GMDS: variants seen among roughly 807,000 people sequenced by gnomAD.
GMDS encodes GDP-mannose 4,6 dehydratase.
Under a neutral mutation model 49.9 loss-of-function variants are expected in GMDS, and 20 were observed. The ratio of observed to expected loss-of-function variants is 0.40; its 90% CI spans 0.28 to 0.58. The LOEUF is 0.58. Among genes scored for constraint, GMDS ranks in the 20% least tolerant of loss-of-function variants. The pLI is 0.42. For synonymous variants in GMDS, 177 were observed against 178.6 expected, an observed-to-expected ratio of 0.99 and a Z score of 0.07; for missense variants, 362 against 481.4, an observed-to-expected ratio of 0.75 and a Z score of 2.32.
At chr6:2,215,598 G>A (rs1427849051) in intron 1 of GMDS, among the ~76,000 whole-genome samples, 1 of 151,890 alleles carries the variant, frequency 6.6e-6, no homozygotes, top group Non-Finnish European at 1.5e-5. Flanking sequence ...AACCATATCA[G>A]TGGGGGAAGG....
At chr6:1,829,275 A>G (rs956040785) in intron 7 of GMDS, among the ~76,000 whole-genome samples, 1 of 152,244 alleles carries the variant, frequency 6.6e-6, no homozygotes, top group African/African-American at 2.4e-5. Flanking sequence ...ATGAATATAT[A>G]TGGATATAGG....
intron 9 of GMDS, among the ~76,000 whole-genome samples, chr6:1,642,494 A>G (rs896010648): frequency 6.6e-6 from 1 of 151,918 alleles, no homozygotes; most frequent in Non-Finnish European, 1.5e-5. Context: ...ACCTACCCCA[A>G]AGGTTCTATA....
intron 7 of GMDS, among the ~76,000 whole-genome samples, chr6:1,781,122 C>T (rs759384196): frequency 1.3e-5 from 2 of 152,096 alleles, no homozygotes; most frequent in Non-Finnish European, 2.9e-5. Context: ...CACATGACAG[C>T]TTGCTGTTTA....
intron 1 of GMDS, among the ~76,000 whole-genome samples, chr6:2,216,309 T>G (rs879885698): frequency 6.6e-6 from 1 of 152,244 alleles, no homozygotes; most frequent in African/African-American, 2.4e-5. Context: ...TAAACTCAAT[T>G]GAAGAGACTA....
At chr6:2,069,732 C>T (rs1771861946) in intron 4 of GMDS, among the ~76,000 whole-genome samples, 1 of 152,088 alleles carries the variant, frequency 6.6e-6, no homozygotes, top group African/African-American at 2.4e-5. Context: ...CATCTCACAC[C>T]AGTTAGAATG....
At chr6:2,144,001 A>G (rs1562094848) in intron 1 of GMDS, among the ~76,000 whole-genome samples, 1 of 152,220 alleles carries the variant, frequency 6.6e-6, no homozygotes, top group Non-Finnish European at 1.5e-5. Context: ...GCAGTAAATA[A>G]GACAGTTGTG....
At chr6:1,642,360 G>A (rs1350873379) in intron 9 of GMDS, among the ~76,000 whole-genome samples, 1 of 151,812 alleles carries the variant, frequency 6.6e-6, no homozygotes, top group Non-Finnish European at 1.5e-5. Context: ...GTAGAGACAG[G>A]GTTTCACCAT....
At chr6:1,776,446 G>C (rs1248002765) in intron 7 of GMDS, among the ~76,000 whole-genome samples, 1 of 152,028 alleles carries the variant, frequency 6.6e-6, no homozygotes, top group East Asian at 1.9e-4. Flanking sequence ...TCAGTGCTTT[G>C]GGGGGCCGAG....
chr6:1,819,624 G>C (rs896007015), intron 7 of GMDS, among the ~76,000 whole-genome samples: 1 of 151,952 alleles, frequency 6.6e-6, no homozygotes, highest in Non-Finnish European at 1.5e-5. Flanking sequence ...AGCCAGGCGT[G>C]GGGGCAGGCG....
At chr6:1,977,528 G>A (rs1045004194) in intron 4 of GMDS, among the ~76,000 whole-genome samples, 24 of 152,158 alleles carry the variant, frequency 1.6e-4, no homozygotes, top group Non-Finnish European at 8.8e-5. Context: ...AGGAGTGAAA[G>A]GGGTGAGTGA....
intron 4 of GMDS, among the ~76,000 whole-genome samples, chr6:2,034,954 G>A (rs1769202895): frequency 1.3e-5 from 2 of 152,050 alleles, no homozygotes; most frequent in South Asian, 4.2e-4. Flanking sequence ...GAGGATGGTT[G>A]GGGGGAAAAA....
At chr6:1,901,212 G>A (rs963509664) in intron 7 of GMDS, among the ~76,000 whole-genome samples, 1 of 152,126 alleles carries the variant, frequency 6.6e-6, no homozygotes, top group African/African-American at 2.4e-5. Flanking sequence ...CCAATATTCC[G>A]GGCTACAGAG....
At position 2,153,649 on chromosome 6, in the gene GMDS, T is replaced by C. The variant is rs560731622; in HGVS notation, c.103-28918A>G. On this transcript the variant is annotated intron_variant, in intron 1 of 10. Coordinates refer to ENST00000380815, the MANE Select transcript of GMDS (RefSeq NM_001500.4). The stretch of plus-strand genomic sequence containing the variant: ...TATAAATCAAAATGAAATACTATAT[T>C]GTTCACCTATTGAACTGACAAAAAA... Among the ~76,000 whole-genome samples the C allele has an allele frequency of 1.5e-4, 23 of 152,280 alleles. No homozygotes were observed. The East Asian group carries it at 4.0e-3, about 27-fold the overall frequency.
intron 7 of GMDS, among the ~76,000 whole-genome samples, chr6:1,920,758 A>G (rs1761676167): frequency 6.6e-6 from 1 of 152,190 alleles, no homozygotes; most frequent in African/African-American, 2.4e-5. Context: ...GAAAGAAGAG[A>G]CAGGTGGGGA....
intron 6 of GMDS, among the ~76,000 whole-genome samples, chr6:1,944,377 C>A (rs904616653): frequency 1.3e-5 from 2 of 151,982 alleles, no homozygotes; most frequent in African/African-American, 4.8e-5. Context: ...TGGTGGCGGG[C>A]GCCTGTAGTC....
chr6:2,039,714 G>T (rs191090810), intron 4 of GMDS, among the ~76,000 whole-genome samples: 100 of 152,068 alleles, frequency 6.6e-4, no homozygotes, highest in African/African-American at 2.3e-3. Context: ...GGTCTTCAGG[G>T]GCAGTGATAT....
chr6:2,065,767 T>C (rs1334540963), intron 4 of GMDS, among the ~76,000 whole-genome samples: 5 of 152,130 alleles, frequency 3.3e-5, no homozygotes, highest in Admixed American at 6.5e-5. Context: ...AATATGGGAC[T>C]ATGTGAAAAG....
chr6:1,771,652 A>G (rs145300651), intron 7 of GMDS, among the ~76,000 whole-genome samples: 202 of 152,360 alleles, frequency 1.3e-3, no homozygotes, highest in African/African-American at 4.8e-3. Flanking sequence ...TCCTCATGAC[A>G]CATTTCTGAG....
intron 9 of GMDS, among the ~76,000 whole-genome samples, chr6:1,689,268 C>G (rs530187397): frequency 2.8e-4 from 43 of 152,234 alleles, no homozygotes; most frequent in Non-Finnish European, 5.4e-4. Flanking sequence ...CTTCATCGGA[C>G]TGCTCCACAC....
Sources: gnomAD v4.1 joint callset for allele counts (sites outside exome capture counted in the v4.1 genomes callset) on GRCh38, gnomAD v4.1.1 for gene constraint, MANE v1.5 for transcripts, NCBI Gene and HGNC (gene_info 2026-07-23, HGNC 2026-07-21) for gene names.